The following NR2F1-AS1 variants were observed in gnomAD, a reference collection of about 807,000 sequenced individuals.
NR2F1-AS1 encodes NR2F1 antisense RNA 1.
chr5:93,512,571 T>C (rs1287771621), intron 4 of NR2F1-AS1, among the ~76,000 whole-genome samples: 1 of 152,196 alleles, frequency 6.6e-6, no homozygotes, highest in Admixed American at 6.6e-5. Flanking sequence ...TATACAGTAA[T>C]GTCCGAAGTT....
At position 93,579,807 on chromosome 5, in the gene NR2F1-AS1, G is replaced by C. The variant is rs936732641; in HGVS notation, n.313+660C>G. On this transcript the variant is annotated intron_variant and non_coding_transcript_variant, in intron 1 of 5. Coordinates refer to ENST00000660523, the Ensembl canonical transcript of NR2F1-AS1. This position sits in a 1 kb window ranked among gnomAD's most constrained non-coding sequence, Gnocchi z 5.1. ...GGCAGCGGCGCAGGGAGTCTGGCTC[G>C]GCTGCTAGGCTGCGAATCCCGGTGC... Among the ~76,000 whole-genome samples, 3 of 152,280 alleles carry C rather than the reference G, an allele frequency of 2.0e-5. No individual in the cohort carries two copies. The highest frequency in any genetic ancestry group is 3.9e-4 in the East Asian group (2 of 5,162).
chr5:93,583,526 GA>G (rs969739836), upstream of NR2F1-AS1: 37 of 145,704 alleles, frequency 2.5e-4, no homozygotes, highest in Middle Eastern at 6.3e-3. Flanking sequence ...TAAACTTAAA[GA>G]AAAAAAAAAG....
chr5:93,438,337 T>C (rs1467565898), intron 4 of NR2F1-AS1, among the ~76,000 whole-genome samples: 1 of 152,204 alleles, frequency 6.6e-6, no homozygotes, highest in Admixed American at 6.5e-5. Flanking sequence ...CTTTCCCTTT[T>C]ACTTTCTCAA....
intron 4 of NR2F1-AS1, among the ~76,000 whole-genome samples, chr5:93,442,931 G>A (rs1749607476): frequency 6.6e-6 from 1 of 152,220 alleles, no homozygotes; most frequent in Non-Finnish European, 1.5e-5. Context: ...GGCAAACAGG[G>A]TCTGGAGTGG....
At chr5:93,480,293 A>C (rs747643763) in intron 4 of NR2F1-AS1, among the ~76,000 whole-genome samples, 1 of 152,190 alleles carries the variant, frequency 6.6e-6, no homozygotes, top group Non-Finnish European at 1.5e-5. Flanking sequence ...ATCACATACA[A>C]GCCATCCTCA....
At chr5:93,513,984 C>T (rs1353980398) in intron 4 of NR2F1-AS1, among the ~76,000 whole-genome samples, 1 of 152,080 alleles carries the variant, frequency 6.6e-6, no homozygotes, top group Non-Finnish European at 1.5e-5. Flanking sequence ...TTTTATGTTT[C>T]ATTAATTCTA....
chr5:93,567,473 G>A (rs773473336), intron 1 of NR2F1-AS1, among the ~76,000 whole-genome samples: 2 of 152,134 alleles, frequency 1.3e-5, no homozygotes, highest in Non-Finnish European at 2.9e-5. Flanking sequence ...ATTTTTACAA[G>A]AAGAAGCTGA....
At chr5:93,415,873 T>C (rs1181076959) in intron 4 of NR2F1-AS1, among the ~76,000 whole-genome samples, 1 of 152,256 alleles carries the variant, frequency 6.6e-6, no homozygotes. Flanking sequence ...TTTTTGCTTC[T>C]ACAAAAATAG....
rs181650733 is a variant in NR2F1-AS1, at chr5:93,459,159, A to T, written n.639-63617T>A. 2.4e-3 allele frequency among the ~76,000 whole-genome samples: 365 copies of T among 152,326 alleles called. 2 individuals carry two copies. The highest frequency in any genetic ancestry group is 8.3e-3 in the African/African-American group (345 of 41,586). ...AAATAAGACAATAACTCAATTTTTT[A>T]AAATAGACAAGCTTTAAAGCTTATC... On this transcript the variant is annotated intron_variant and non_coding_transcript_variant, in intron 4 of 5. Coordinates refer to ENST00000660523, the Ensembl canonical transcript of NR2F1-AS1.
At chr5:93,519,392 G>T (rs1041485196) in intron 4 of NR2F1-AS1, among the ~76,000 whole-genome samples, 2 of 151,934 alleles carry the variant, frequency 1.3e-5, no homozygotes, top group African/African-American at 4.8e-5. Flanking sequence ...TGACTCCACT[G>T]TGTAAATCAT....
At chr5:93,430,090 G>C (rs1561432602) in intron 4 of NR2F1-AS1, among the ~76,000 whole-genome samples, 1 of 152,142 alleles carries the variant, frequency 6.6e-6, no homozygotes, top group East Asian at 1.9e-4. Context: ...AATTTTTGCA[G>C]TCAATGGTCT....
At chr5:93,491,891 G>A (rs983960177) in intron 4 of NR2F1-AS1, among the ~76,000 whole-genome samples, 16 of 152,228 alleles carry the variant, frequency 1.1e-4, no homozygotes, top group Non-Finnish European at 2.1e-4. Flanking sequence ...GGCTTTCTTC[G>A]TTATCCAGCA....
rs1752962092 is a variant in NR2F1-AS1, at chr5:93,579,136, A to AGG, written n.313+1329_313+1330dup. 6.6e-5 allele frequency among the ~76,000 whole-genome samples: 10 copies of AGG among 152,284 alleles called. No homozygotes were observed. Among genetic ancestry groups the AGG allele is most frequent in the Middle Eastern group, 3.4e-3 (1 of 294 alleles). On this transcript the variant is annotated intron_variant and non_coding_transcript_variant, in intron 1 of 5. Transcript: ENST00000660523. The surrounding 1 kb of genome is among the most constrained non-coding windows in gnomAD (Gnocchi z 5.1). ...GCCACTCAGGCCGGACGAGTTCCAGAGGGGGACAGCGCCCTCCTCGAAAAG... is the reference window on the plus strand; with the variant it reads ...GCCACTCAGGCCGGACGAGTTCCAGAGGGGGGGACAGCGCCCTCCTCGAAAAG...
chr5:93,553,522 A>G (rs1311992170), intron 4 of NR2F1-AS1, among the ~76,000 whole-genome samples: 1 of 152,254 alleles, frequency 6.6e-6, no homozygotes, highest in African/African-American at 2.4e-5. Flanking sequence ...TGGAGATGAC[A>G]GAAGCTACTC....
chr5:93,425,947 G>A (rs528341016), intron 4 of NR2F1-AS1, among the ~76,000 whole-genome samples: 1 of 151,848 alleles, frequency 6.6e-6, no homozygotes, highest in South Asian at 2.1e-4. Flanking sequence ...AAAGATTAAA[G>A]TCTCCCTGGG....
Position 93,477,683 on chromosome 5 carries a change from TGAGA to T in NR2F1-AS1, n.638+76074_638+76077del, listed in dbSNP as rs541116528. ...TCACCTGTAGCATTCTGAGGAGCAATGAGAGAGAGAGGCAGCTAGCCAGCCAGCC... is the reference window on the plus strand; with the variant it reads ...TCACCTGTAGCATTCTGAGGAGCAATGAGAGAGGCAGCTAGCCAGCCAGCC... On this transcript the variant is annotated intron_variant and non_coding_transcript_variant, in intron 4 of 5. Transcript: ENST00000660523. Among the ~76,000 whole-genome samples the T allele has an allele frequency of 5.0e-3, 759 of 152,132 alleles. 24 individuals are homozygous for T. Among genetic ancestry groups the T allele is most frequent in the Non-Finnish European group, 1.2e-3 (84 of 67,988 alleles).
intron 4 of NR2F1-AS1, among the ~76,000 whole-genome samples, chr5:93,489,800 G>A (rs1041905676): frequency 3.3e-5 from 5 of 152,062 alleles, no homozygotes; most frequent in South Asian, 2.1e-4. Flanking sequence ...GTTTAACCGC[G>A]GTAAGAGATC....
chr5:93,417,637 G>A (rs1049747181), intron 4 of NR2F1-AS1, among the ~76,000 whole-genome samples: 6 of 152,328 alleles, frequency 3.9e-5, no homozygotes, highest in South Asian at 4.1e-4. Flanking sequence ...ATCTAACAGC[G>A]AGGCTGCCTG....
At chr5:93,541,627 T>C (rs1751952432) in intron 4 of NR2F1-AS1, among the ~76,000 whole-genome samples, 1 of 152,184 alleles carries the variant, frequency 6.6e-6, no homozygotes, top group South Asian at 2.1e-4. Context: ...TAACTGGATA[T>C]AATCGAAAAT....
Sources: allele counts gnomAD v4.1 joint callset (sites outside exome capture counted in the v4.1 genomes callset), GRCh38; gene constraint gnomAD v4.1.1; non-coding constraint Gnocchi (gnomAD v3.1); transcripts MANE v1.5; gene names NCBI Gene and HGNC (gene_info 2026-07-23, HGNC 2026-07-21).